Variants in RORA observed in about 807,000 individuals in gnomAD.
RORA encodes the protein RAR related orphan receptor A, also known as nuclear receptor ROR-alpha.
In RORA, 7 loss-of-function variants were observed where a neutral mutation model predicts 69.5. That is an observed-to-expected ratio of 0.10 (90% CI 0.06 to 0.19). The LOEUF is 0.19. Ranked by LOEUF, RORA falls within the 10% of genes least tolerant of loss-of-function variation. RORA has a pLI of 1.00. For missense variants in RORA, 457 were observed against 663.0 expected (o/e 0.69, Z 3.41); for synonymous variants, 261 against 240.8 (o/e 1.08, Z -0.78).
chr15:60,597,190 A>T (rs1241710137), intron 2 of RORA, among the ~76,000 whole-genome samples: 1 of 152,088 alleles, frequency 6.6e-6, no homozygotes, highest in Non-Finnish European at 1.5e-5. Flanking sequence ...GGGATGTTGG[A>T]GGTGAAAGAT....
chr15:60,800,502 T>A (rs750517102), intron 1 of RORA, among the ~76,000 whole-genome samples: 5 of 152,222 alleles, frequency 3.3e-5, no homozygotes, highest in Non-Finnish European at 7.3e-5. Flanking sequence ...GGTGAAGATT[T>A]CACATCGTTT....
chr15:61,129,747 A>G (rs1209961712), intron 1 of RORA, among the ~76,000 whole-genome samples: 1 of 152,208 alleles, frequency 6.6e-6, no homozygotes, highest in Non-Finnish European at 1.5e-5. Flanking sequence ...TAAAAAGAGA[A>G]GGACAATGCT....
chr15:61,061,655 G>A lies in RORA; in HGVS notation c.166+167398C>T, dbSNP rs888274814. Among the ~76,000 whole-genome samples, 1 of 152,114 alleles carries A rather than the reference G, an allele frequency of 6.6e-6. No individual in the cohort carries two copies. The highest frequency in any genetic ancestry group is 2.4e-5 in the African/African-American group (1 of 41,414). The stretch of plus-strand genomic sequence containing the variant: ...AGGTTTACATAATCTATCTCTAATT[G>A]CAAGAGTTAAGAGGAAATTTAAACT... On this transcript the variant is annotated intron_variant, in intron 1 of 10. Coordinates refer to ENST00000335670, the MANE Select transcript of RORA (RefSeq NM_134261.3). This position sits in a 1 kb window ranked among gnomAD's most constrained non-coding sequence, Gnocchi z 4.4.
chr15:60,532,586 T>C lies in RORA; in HGVS notation c.197-735A>G, dbSNP rs1224249909. 3.3e-5 allele frequency among the ~76,000 whole-genome samples: 5 copies of C among 152,106 alleles called. No individual in the cohort carries two copies. In the South Asian group the frequency reaches 1.0e-3, roughly 32 times the overall value. ...CATGCTGGAAGACCCGCAAATAACA[T>C]GTATCACACCAAAGTTCTCAAATAA... On this transcript the variant is annotated intron_variant, in intron 2 of 10. Transcript: ENST00000335670.
chr15:60,847,366 C>T (rs2073277444), intron 1 of RORA, among the ~76,000 whole-genome samples: 1 of 151,958 alleles, frequency 6.6e-6, no homozygotes, highest in African/African-American at 2.4e-5. Context: ...ATCAGCTTCA[C>T]CAGAGGACAC....
At chr15:61,193,195 T>G (rs192066531) in intron 1 of RORA, among the ~76,000 whole-genome samples, 1 of 152,330 alleles carries the variant, frequency 6.6e-6, no homozygotes, top group East Asian at 1.9e-4. Context: ...CCTGAAATAC[T>G]TGTACTTCTG....
chr15:60,696,466 C>T (rs2070907255), intron 1 of RORA, among the ~76,000 whole-genome samples: 1 of 152,138 alleles, frequency 6.6e-6, no homozygotes, highest in Non-Finnish European at 1.5e-5. Flanking sequence ...TCCCTAATTC[C>T]AGAAGCTAAG....
At chr15:61,141,777 A>G (rs886961765) in intron 1 of RORA, among the ~76,000 whole-genome samples, 2 of 152,208 alleles carry the variant, frequency 1.3e-5, no homozygotes, top group African/African-American at 4.8e-5. Context: ...TTGGGTTTAA[A>G]TATCCTCAAA....
intron 1 of RORA, among the ~76,000 whole-genome samples, chr15:61,094,086 G>A (rs2078753204): frequency 6.6e-6 from 1 of 152,188 alleles, no homozygotes; most frequent in Non-Finnish European, 1.5e-5. Context: ...TGGTGAACCT[G>A]GCAGGTCAAG....
chr15:61,182,559 G>C (rs974855663), intron 1 of RORA, among the ~76,000 whole-genome samples: 1 of 152,218 alleles, frequency 6.6e-6, no homozygotes, highest in Non-Finnish European at 1.5e-5. Flanking sequence ...CCACAGTGCT[G>C]TTTCCAGTAG....
At chr15:60,894,216 A>AT (rs1238446165) in intron 1 of RORA, among the ~76,000 whole-genome samples, 1 of 152,238 alleles carries the variant, frequency 6.6e-6, no homozygotes, top group Non-Finnish European at 1.5e-5. Context: ...TTCAGCGATC[A>AT]TTTTTTAACA....
intron 2 of RORA, among the ~76,000 whole-genome samples, chr15:60,561,314 C>T (rs1237298351): frequency 2.6e-5 from 4 of 151,752 alleles, no homozygotes; most frequent in Non-Finnish European, 5.9e-5. Context: ...ATCTCCTGAC[C>T]TCGTGATCCG....
chr15:60,796,506 C>A (rs1360850753), intron 1 of RORA, among the ~76,000 whole-genome samples: 1 of 141,168 alleles, frequency 7.1e-6, no homozygotes, highest in Non-Finnish European at 1.6e-5. Context: ...CTATCCACCC[C>A]CCGCCAAAAA....
intron 1 of RORA, among the ~76,000 whole-genome samples, chr15:61,071,133 C>T (rs946904986): frequency 2.8e-5 from 4 of 144,092 alleles, no homozygotes; most frequent in African/African-American, 1.0e-4. Flanking sequence ...ACCAATATTA[C>T]CAATATGAGG....
chr15:61,003,431 CA>C (rs1296621472), intron 1 of RORA, among the ~76,000 whole-genome samples: 4 of 152,064 alleles, frequency 2.6e-5, no homozygotes, highest in African/African-American at 9.7e-5. Context: ...TCTCAGCTGG[CA>C]AAATGAATTA....
chr15:60,820,261 A>AT (rs879274617), intron 1 of RORA, among the ~76,000 whole-genome samples: 51 of 151,966 alleles, frequency 3.4e-4, no homozygotes, highest in African/African-American at 1.1e-3. Context: ...AAAGTTGCCT[A>AT]TTTTTTTTAA....
At chr15:60,504,089 C>G (rs1014041541) in intron 6 of RORA, among the ~76,000 whole-genome samples, 1 of 152,060 alleles carries the variant, frequency 6.6e-6, no homozygotes, top group South Asian at 2.1e-4. Context: ...GGATGAGCCA[C>G]CGTGCCCGGT....
At chr15:60,935,877 G>T (rs1156807968) in intron 1 of RORA, among the ~76,000 whole-genome samples, 2 of 152,206 alleles carry the variant, frequency 1.3e-5, no homozygotes, top group African/African-American at 4.8e-5. Context: ...CCAAAAGTTA[G>T]CTTTGCCCTT....
At chr15:61,053,863 A>ATATATATATAT (rs1555406156) in intron 1 of RORA, among the ~76,000 whole-genome samples, 10 of 137,186 alleles carry the variant, frequency 7.3e-5, no homozygotes, top group South Asian at 2.4e-4. Flanking sequence ...ATATATATAT[A>ATATATATATAT]AACATTCTTC....
Sources: gnomAD v4.1 joint callset for allele counts (sites outside exome capture counted in the v4.1 genomes callset) on GRCh38, gnomAD v4.1.1 for gene constraint, Gnocchi (gnomAD v3.1) non-coding constraint, MANE v1.5 for transcripts, NCBI Gene and HGNC (gene_info 2026-07-23, HGNC 2026-07-21) for gene names.